The following ERC2 variants were observed in gnomAD, a reference collection of about 807,000 sequenced individuals.
ERC2 encodes ERC protein 2.
Under a neutral mutation model 114.8 loss-of-function variants are expected in ERC2, and 42 were observed. The ratio of observed to expected loss-of-function variants is 0.37; its 90% CI spans 0.29 to 0.47. The LOEUF (loss-of-function observed/expected upper bound fraction) is 0.47. Among genes scored for constraint, ERC2 ranks in the 20% least tolerant of loss-of-function variants. The pLI is 0.99. For missense variants in ERC2, 939 were observed against 1,150.7 expected (o/e 0.82, Z 2.66); for synonymous variants, 454 against 425.5 (o/e 1.07, Z -0.82).
At chr3:56,271,759 C>G (rs2053666174) in intron 3 of ERC2, among the ~76,000 whole-genome samples, 1 of 152,128 alleles carries the variant, frequency 6.6e-6, no homozygotes, top group Non-Finnish European at 1.5e-5. Context: ...CACCCTCCTC[C>G]CACCTTCCAC....
intron 14 of ERC2, among the ~76,000 whole-genome samples, chr3:55,763,730 A>C (rs529804938): frequency 1.7e-4 from 26 of 152,224 alleles, no homozygotes; most frequent in Non-Finnish European, 3.7e-4. Context: ...GAATGCCCAC[A>C]AGCCCATTAC....
At chr3:55,764,406 G>A (rs1421331977) in intron 14 of ERC2, among the ~76,000 whole-genome samples, 1 of 152,132 alleles carries the variant, frequency 6.6e-6, no homozygotes, top group Admixed American at 6.5e-5. Context: ...CTTACTAACG[G>A]GATCTTTTAC....
chr3:56,214,694 G>C (rs28789077), intron 3 of ERC2, among the ~76,000 whole-genome samples: 26 of 152,164 alleles, frequency 1.7e-4, no homozygotes, highest in African/African-American at 5.5e-4. Context: ...ATAATTGTCA[G>C]ATTCACCAAA....
At chr3:55,806,253 T>C (rs2059483185) in intron 14 of ERC2, among the ~76,000 whole-genome samples, 1 of 150,890 alleles carries the variant, frequency 6.6e-6, no homozygotes, top group South Asian at 2.1e-4. Context: ...AAGAATTGCT[T>C]GAACCCAGGA....
chr3:55,656,304 AT>A (rs528200163), intron 17 of ERC2, among the ~76,000 whole-genome samples: 7 of 151,540 alleles, frequency 4.6e-5, no homozygotes. Context: ...ACTTCCAACT[AT>A]TTTTTTTGTT....
intron 13 of ERC2, among the ~76,000 whole-genome samples, chr3:55,921,044 C>T (rs1415568957): frequency 1.3e-5 from 2 of 152,064 alleles, no homozygotes; most frequent in Admixed American, 1.3e-4. Flanking sequence ...TGAGCACACC[C>T]TAAAACCTCT....
intron 17 of ERC2, among the ~76,000 whole-genome samples, chr3:55,540,671 C>T (rs1205861981): frequency 6.6e-6 from 1 of 152,160 alleles, no homozygotes; most frequent in Non-Finnish European, 1.5e-5. Flanking sequence ...GTTCTTTATC[C>T]CACTCTCCTG....
intron 3 of ERC2, among the ~76,000 whole-genome samples, chr3:56,218,407 C>A (rs1280805254): frequency 6.6e-6 from 1 of 152,182 alleles, no homozygotes; most frequent in East Asian, 1.9e-4. Context: ...CATCACTGGC[C>A]ATCAGAGAAA....
chr3:55,916,151 G>T (rs190283002), intron 13 of ERC2, among the ~76,000 whole-genome samples: 1 of 152,126 alleles, frequency 6.6e-6, no homozygotes, highest in Non-Finnish European at 1.5e-5. Flanking sequence ...CAACAGCGTG[G>T]TGAGAATATT....
At chr3:56,389,910 A>T (rs2060067329) in intron 2 of ERC2, among the ~76,000 whole-genome samples, 1 of 152,192 alleles carries the variant, frequency 6.6e-6, no homozygotes, top group South Asian at 2.1e-4. Context: ...AGCTATATAA[A>T]TCTAACTTCA....
chr3:56,290,519 G>T (rs533767510), intron 3 of ERC2, among the ~76,000 whole-genome samples: 65 of 152,190 alleles, frequency 4.3e-4, no homozygotes, highest in Non-Finnish European at 8.5e-4. Context: ...AGCTTTGTTG[G>T]TAGAAATAGA....
At chr3:56,398,943 A>C (rs1025050278) in intron 2 of ERC2, among the ~76,000 whole-genome samples, 1 of 152,144 alleles carries the variant, frequency 6.6e-6, no homozygotes, top group Non-Finnish European at 1.5e-5. Context: ...TATTTGCTAG[A>C]TCTGCCAACT....
intron 6 of ERC2, among the ~76,000 whole-genome samples, chr3:56,116,843 T>C (rs2079266931): frequency 6.6e-6 from 1 of 152,232 alleles, no homozygotes. Context: ...GTCTGGCTCT[T>C]CCTGGGGGAC....
chr3:55,565,594 G>C (rs1295926613), intron 17 of ERC2, among the ~76,000 whole-genome samples: 3 of 143,540 alleles, frequency 2.1e-5, no homozygotes, highest in African/African-American at 7.7e-5. Flanking sequence ...AAACCACTCA[G>C]AAAAAAAAAA....
At chr3:55,710,395 G>C (rs992702139) in intron 15 of ERC2, among the ~76,000 whole-genome samples, 3 of 152,146 alleles carry the variant, frequency 2.0e-5, no homozygotes, top group Non-Finnish European at 4.4e-5. Flanking sequence ...TTGTGAATCT[G>C]TGTGTGAATC....
intron 17 of ERC2, among the ~76,000 whole-genome samples, chr3:55,672,935 G>A (rs935160361): frequency 3.9e-5 from 6 of 152,140 alleles, no homozygotes; most frequent in African/African-American, 7.2e-5. Context: ...GCATGTTGGT[G>A]CATTCATAAT....
chr3:55,574,094 T>C (rs554190587), intron 17 of ERC2, among the ~76,000 whole-genome samples: 1 of 152,198 alleles, frequency 6.6e-6, no homozygotes, highest in Admixed American at 6.5e-5. Flanking sequence ...GTCAAGTTTT[T>C]TCAAAGGCCC....
chr3:55,836,956 AC>A (rs1313367798), intron 14 of ERC2, among the ~76,000 whole-genome samples: 3 of 152,238 alleles, frequency 2.0e-5, no homozygotes, highest in African/African-American at 7.2e-5. Flanking sequence ...ATATGAACAG[AC>A]ATTTCTCAAA....
chr3:55,690,639 G>GA (rs576748148), intron 16 of ERC2, among the ~76,000 whole-genome samples: 2,236 of 146,456 alleles, frequency 0.015, 28 homozygotes, highest in South Asian at 0.027. Context: ...ATCAGTAAAA[G>GA]AAAAAAAAAA....
Sources: allele counts gnomAD v4.1 joint callset (sites outside exome capture counted in the v4.1 genomes callset), GRCh38; gene constraint gnomAD v4.1.1; transcripts MANE v1.5; gene names NCBI Gene and HGNC (gene_info 2026-07-23, HGNC 2026-07-21).